The following ZNF850 variants were observed in gnomAD, a reference collection of about 807,000 sequenced individuals.
The protein encoded by ZNF850 is putative zinc finger protein ENSP00000330994.
A neutral mutation model predicts 11.9 loss-of-function variants in ZNF850; 2 were observed. That is an observed-to-expected ratio of 0.17 (90% CI 0.07 to 0.53). The LOEUF (loss-of-function observed/expected upper bound fraction) is 0.53, where lower values mean the gene tolerates loss of function less well. Ranked by LOEUF, ZNF850 falls within the 20% of genes least tolerant of loss-of-function variation. The pLI is 0.94. For missense variants in ZNF850, 1,014 were observed against 1,316.4 expected (o/e 0.77, Z 3.55); for synonymous variants, 381 against 443.0 (o/e 0.86, Z 1.76).
At chr19:36,752,627 C>A (rs2040460345) in intron 4 of ZNF850, among the ~76,000 whole-genome samples, 1 of 151,956 alleles carries the variant, frequency 6.6e-6, no homozygotes, top group African/African-American at 2.4e-5. Context: ...ATGAAATACA[C>A]AATACTAATA....
Position 36,747,901 on chromosome 19 carries a change from A to G in ZNF850, c.3139T>C (p.Phe1047Leu). The change falls in exon 5 of 5, where the codon TTC becomes CTC. Residue 1047 changes from phenylalanine to leucine, a missense_variant. Physicochemically the swap from Phe to Leu is conservative, Grantham distance 22 (BLOSUM62 0). Around this residue, in one of 2 missense-constraint regions of ZNF850, gnomAD observed 179 missense variants for 294.4 expected, o/e 0.61. Coordinates refer to ENST00000591344, the MANE Select transcript of ZNF850 (RefSeq NM_001193552.2). ...TGTCGGCTGAGTCCTGAGGCATAGA[A>G]AAAGGCTTTCCCACATTCCGGACAT... ...YQCPECGKAF[F>L]YASGLSRHQS... 3 of 1,568,214 alleles carry G rather than the reference A, an allele frequency of 1.9e-6. No homozygotes were observed. The highest frequency in any genetic ancestry group is 2.6e-6 in the Non-Finnish European group (3 of 1,161,792).
Position 36,748,825 on chromosome 19 carries a change from T to A in ZNF850, c.2215A>T (p.Thr739Ser), listed in dbSNP as rs762392637. The change falls in exon 5 of 5, where the codon ACT (threonine) becomes TCT (serine). Residue 739 changes from threonine (T) to serine (S), a missense_variant. By Grantham distance (58) the Thr-to-Ser change is moderately conservative. Transcript: ENST00000591344. ...YDGKECGKSFTSHSTLIQHQQ... is the reference protein window; with the variant it reads ...YDGKECGKSFSSHSTLIQHQQ... ...TGTTGAATTAGTGTTGAGTGAGAAG[T>A]AAAAGATTTCCCACATTCCTTACCA... 1.9e-6 allele frequency: 3 copies of A among 1,547,208 alleles called. No individual in the cohort carries two copies. The highest frequency in any genetic ancestry group is 2.6e-6 in the Non-Finnish European group (3 of 1,150,960).
intron 1 of ZNF850, among the ~76,000 whole-genome samples, chr19:36,763,564 C>CAA (rs930480679): frequency 6.7e-6 from 1 of 150,068 alleles, no homozygotes; most frequent in Non-Finnish European, 1.5e-5. Flanking sequence ...ACAACAACAA[C>CAA]AAAAAAAAAC....
intron 4 of ZNF850, among the ~76,000 whole-genome samples, chr19:36,753,422 C>CAAAAAAAAAAAAAAAAAAAAAAAAA (rs58851544): frequency 4.3e-5 from 2 of 46,650 alleles, no homozygotes; most frequent in Non-Finnish European, 7.9e-5. Context: ...GACACTGTCT[C>CAAAAAAAAAAAAAAAAAAAAAAAAA]AAAAAAAAAA....
intron 4 of ZNF850, among the ~76,000 whole-genome samples, chr19:36,755,044 C>T (rs1204031182): frequency 1.3e-5 from 2 of 152,128 alleles, no homozygotes; most frequent in African/African-American, 4.8e-5. Flanking sequence ...AAAACACTGA[C>T]AATTCAGCAG....
intron 1 of ZNF850, among the ~76,000 whole-genome samples, chr19:36,770,793 A>G (rs1941254544): frequency 6.7e-6 from 1 of 148,510 alleles, no homozygotes; most frequent in African/African-American, 2.5e-5. Flanking sequence ...GGAAATAGGG[A>G]CAAAGACCAA....
chr19:36,757,886 A>G (rs2040496337), intron 4 of ZNF850, among the ~76,000 whole-genome samples: 1 of 152,046 alleles, frequency 6.6e-6, no homozygotes, highest in Non-Finnish European at 1.5e-5. Flanking sequence ...CAGTGGTGCA[A>G]TCACAGCTCA....
Position 36,750,459 on chromosome 19 carries a change from T to C in ZNF850, c.581A>G (p.Glu194Gly). Residue 194 changes from glutamate to glycine, a missense_variant, in exon 5 of 5, where the codon GAA (glutamate) becomes GGA (glycine). Transcript: ENST00000591344. ...ACACTCCTTACATTTATAGAGTTTT[T>C]CACCAGTATGGGTTTCTTGCTGTTG... ...LTQQQETHTG[E>G]KLYKCKECGK... 6.5e-7 allele frequency: 1 copy of C among 1,536,542 alleles called. No individual in the cohort carries two copies. The highest frequency in any genetic ancestry group is 1.2e-5 in the South Asian group (1 of 84,070).
In ZNF850 at chr19:36,749,609, A is replaced by G. The variant is rs527766392; in HGVS notation, c.1431T>C (p.Tyr477=). Residue 477 remains tyrosine, a synonymous_variant, in exon 5 of 5, where the codon TAT becomes TAC. Coordinates refer to ENST00000591344, the MANE Select transcript of ZNF850 (RefSeq NM_001193552.2). ...HQRIHTGEKP[Y]CCKECGKSFT... The stretch of plus-strand genomic sequence containing the variant: ...AAGATTTTCCACATTCCTTACAACA[A>G]TAGGGTTTCTCACCAGTGTGAATCC... The G allele has an allele frequency of 3.2e-6, 5 of 1,550,914 alleles. No individual in the cohort carries two copies. The East Asian group carries it at 9.7e-5, about 30-fold the overall frequency.
chr19:36,747,614 C>A lies in ZNF850; in HGVS notation c.*153G>T. The A allele has an allele frequency of 1.3e-6, 1 of 781,440 alleles. No homozygotes were observed. Among genetic ancestry groups the A allele is most frequent in the Non-Finnish European group, 1.9e-6 (1 of 533,298 alleles). 48.4% of individuals were successfully genotyped at this position (781,440 alleles called of 1,614,324 possible). ...TAGCGCCACTGCACTCCAGCCTGGG[C>A]GACAGAGCAAGACTCCGTCTCAAAA... is the stretch of plus-strand genomic sequence containing the variant. On this transcript the variant is annotated 3_prime_UTR_variant, in exon 5 of 5. Coordinates refer to ENST00000591344, the MANE Select transcript of ZNF850 (RefSeq NM_001193552.2).
At position 36,747,549 on chromosome 19, in the gene ZNF850, TG is replaced by T. The variant is rs1462507594; in HGVS notation, c.*217del. 5 of 390,722 alleles carry T rather than the reference TG, an allele frequency of 1.3e-5. No homozygotes were observed. The highest frequency in any genetic ancestry group is 1.8e-5 in the Non-Finnish European group (4 of 222,710). 24.2% of individuals were successfully genotyped at this position (390,722 alleles called of 1,614,324 possible). On this transcript the variant is annotated 3_prime_UTR_variant, in exon 5 of 5. Transcript: ENST00000591344. ...TACTAGGGAGGCTGAGGCAGGAGAA[TG>T]GCATGAACCCAGGAGGCAGAGCTTG...
At chr19:36,766,285 T>C (rs988242333) in intron 1 of ZNF850, among the ~76,000 whole-genome samples, 24 of 152,072 alleles carry the variant, frequency 1.6e-4, no homozygotes, top group Admixed American at 5.9e-4. Flanking sequence ...GGTAGATATA[T>C]AATACAATAC....
intron 1 of ZNF850, among the ~76,000 whole-genome samples, chr19:36,766,871 G>T (rs1046969690): frequency 2.6e-5 from 4 of 152,200 alleles, no homozygotes; most frequent in Non-Finnish European, 5.9e-5. Context: ...GGGAGGCCAA[G>T]ACGGGTAGAT....
rs535001531 is a variant in ZNF850, at chr19:36,762,772, G to A, written c.-69-97C>T. On this transcript the variant is annotated intron_variant, in intron 1 of 4. Coordinates refer to ENST00000591344, the MANE Select transcript of ZNF850 (RefSeq NM_001193552.2). ...AGCTGTAGGCCTAGCAAAGCTGAAA[G>A]AATATTACAGTAAACATCTGATATG... is the stretch of plus-strand genomic sequence containing the variant. 4 of 667,656 alleles carry A rather than the reference G, an allele frequency of 6.0e-6. No homozygotes were observed. In the South Asian group the frequency reaches 7.8e-5, roughly 13 times the overall value. The allele number at this position is 667,656 out of a possible 1,614,324, so 41.4% of individuals were successfully genotyped here.
rs889845052 is a variant in ZNF850, at chr19:36,746,327, A to G, written c.*1440T>C. 6.6e-6 allele frequency: 1 copy of G among 152,224 alleles called. No individual in the cohort carries two copies. Among genetic ancestry groups the G allele is most frequent in the Non-Finnish European group, 1.5e-5 (1 of 68,048 alleles). 9.4% of individuals were successfully genotyped at this position (152,224 alleles called of 1,614,324 possible). On this transcript the variant is annotated 3_prime_UTR_variant, in exon 5 of 5. Coordinates refer to ENST00000591344, the MANE Select transcript of ZNF850 (RefSeq NM_001193552.2). ...TTAGGGCATCACAAACTGTGTCCAT[A>G]TAAGACAGCAAACTTAATTGATAAA...
intron 1 of ZNF850, among the ~76,000 whole-genome samples, chr19:36,764,102 G>C (rs1328141934): frequency 6.7e-6 from 1 of 149,340 alleles, no homozygotes; most frequent in African/African-American, 2.5e-5. Flanking sequence ...AAAATTAGCT[G>C]GGCATGGTGG....
intron 1 of ZNF850, among the ~76,000 whole-genome samples, chr19:36,769,273 AAAAAAAGAAAGAAAG>A (rs1379817191): frequency 8.2e-6 from 1 of 121,632 alleles, no homozygotes; most frequent in African/African-American, 3.3e-5. Context: ...AAAAAAAAAA[AAAAAAAGAAAGAAAG>A]AAAGAAAGAA....
At chr19:36,755,577 G>C (rs2040481003) in intron 4 of ZNF850, among the ~76,000 whole-genome samples, 1 of 151,976 alleles carries the variant, frequency 6.6e-6, no homozygotes, top group Non-Finnish European at 1.5e-5. Flanking sequence ...GGGCCGGGCT[G>C]TGTCTTAGGC....
intron 4 of ZNF850, among the ~76,000 whole-genome samples, chr19:36,760,627 G>C (rs1214539913): frequency 6.6e-6 from 1 of 151,908 alleles, no homozygotes; most frequent in Non-Finnish European, 1.5e-5. Flanking sequence ...CACTTTGGGA[G>C]ACCGAGGCAG....
Sources: gnomAD v4.1 joint callset for allele counts (sites outside exome capture counted in the v4.1 genomes callset) on GRCh38, gnomAD v4.1.1 for gene constraint, gnomAD v4.1.1 regional missense constraint, MANE v1.5 for transcripts, NCBI Gene and HGNC (gene_info 2026-07-23, HGNC 2026-07-21) for gene names.